Variants in ANK2 observed in about 807,000 individuals in gnomAD.
The protein encoded by ANK2 is ankyrin-2.
In ANK2, 83 loss-of-function variants were observed where a neutral mutation model predicts 360.5. The ratio of observed to expected loss-of-function variants is 0.23; its 90% confidence interval spans 0.19 to 0.28. The LOEUF (loss-of-function observed/expected upper bound fraction) is 0.28, where lower values mean the gene tolerates loss of function less well. ANK2 is among the 10% of genes least tolerant of loss of function. The pLI, the probability that ANK2 is intolerant of heterozygous loss-of-function variation, is 1.00. For missense variants in ANK2, 4,201 were observed against 4,795.7 expected (o/e 0.88, Z 3.66); for synonymous variants, 1,740 against 1,759.5 (o/e 0.99, Z 0.28).
At chr4:112,712,404 ATATTTTT>A in the ANK2 span, among the ~76,000 whole-genome samples, 38 of 52,680 alleles carry the variant, frequency 7.2e-4, no homozygotes, top group African/African-American at 1.7e-3. Context: ...ATATATATAT[ATATTTTT>A]TTTTTTTTTT....
chr4:112,803,722 A>AAGGC, the ANK2 span, among the ~76,000 whole-genome samples: 1 of 152,184 alleles, frequency 6.6e-6, no homozygotes, highest in African/African-American at 2.4e-5. Flanking sequence ...CAAATTCAAC[A>AAGGC]AGGCAGGCCT....
chr4:112,766,269 C>T, the ANK2 span, among the ~76,000 whole-genome samples: 6 of 151,334 alleles, frequency 4.0e-5, no homozygotes, highest in Admixed American at 2.6e-4. Flanking sequence ...TGCAGTGAGC[C>T]GAGATCGCAC....
At chr4:112,904,799 A>C (rs2084652412) in intron 2 of ANK2, among the ~76,000 whole-genome samples, 1 of 152,134 alleles carries the variant, frequency 6.6e-6, no homozygotes, top group Non-Finnish European at 1.5e-5. Context: ...GAGGAAAGAA[A>C]TCTGAATACA....
rs1358677399 is a variant in ANK2, at chr4:113,355,153, C to G, written c.6535C>G (p.Pro2179Ala). 6.2e-7 allele frequency: 1 copy of G among 1,614,154 alleles called. No individual in the cohort carries two copies. Among genetic ancestry groups the G allele is most frequent in the Non-Finnish European group, 8.5e-7 (1 of 1,179,994 alleles). The change falls in exon 38 of 46, where the codon CCA becomes GCA. Residue 2179 changes from proline (P) to alanine (A), a missense_variant. Physicochemically the swap from Pro to Ala is conservative, Grantham distance 27. Around this residue, in one of 4 missense-constraint regions of ANK2, gnomAD observed 2,642 missense variants for 2,714.5 expected, o/e 0.97. Coordinates refer to ENST00000357077, the MANE Select transcript of ANK2 (RefSeq NM_001148.6). ...VLTSPFNTTF[P>A]LDYMKDEFLP... ...CACTAGTCCTTTCAACACAACATTT[C>G]CACTCGACTACATGAAAGATGAGTT...
At chr4:112,997,626 T>G (rs1403243388) in intron 2 of ANK2, among the ~76,000 whole-genome samples, 1 of 152,152 alleles carries the variant, frequency 6.6e-6, no homozygotes, top group Non-Finnish European at 1.5e-5. Context: ...TTTGTTCTTT[T>G]CTTCCAGTAT....
chr4:113,288,723 A>T (rs1268007261), intron 20 of ANK2, among the ~76,000 whole-genome samples: 1 of 152,194 alleles, frequency 6.6e-6, no homozygotes, highest in African/African-American at 2.4e-5. Context: ...GCTGACATCG[A>T]TTTAACAACT....
chr4:112,850,815 C>T (rs1003759397), intron 1 of ANK2, among the ~76,000 whole-genome samples: 2 of 151,950 alleles, frequency 1.3e-5, no homozygotes, highest in Admixed American at 1.3e-4. Context: ...TGCGCCTGAC[C>T]TTCCTGTGCT....
In ANK2 at chr4:112,894,774, CAA is replaced by C. The variant is rs2081245574; in HGVS notation, c.-39-9680_-39-9679del. On this transcript the variant is annotated intron_variant, in intron 1 of 30. Transcript: ENST00000503271. ...CAGCTTGATTTTATAGGAGCAGAAACAAGAGGGAAGTTTGTTATATTTTAGCT... is the reference window on the plus strand; with the variant it reads ...CAGCTTGATTTTATAGGAGCAGAAACGAGGGAAGTTTGTTATATTTTAGCT... 2.0e-5 allele frequency among the ~76,000 whole-genome samples: 3 copies of C among 152,234 alleles called. No individual in the cohort carries two copies. In the East Asian group the frequency reaches 5.8e-4, roughly 29 times the overall value.
intron 1 of ANK2, among the ~76,000 whole-genome samples, chr4:113,109,973 G>C (rs969970578): frequency 1.3e-5 from 2 of 152,024 alleles, no homozygotes; most frequent in South Asian, 2.1e-4. Context: ...TTTATACTTA[G>C]GTTTCCATAT....
intron 1 of ANK2, among the ~76,000 whole-genome samples, chr4:113,128,195 G>T (rs2154375875): frequency 6.6e-6 from 1 of 152,212 alleles, no homozygotes; most frequent in East Asian, 1.9e-4. Flanking sequence ...TTTAGAGTTT[G>T]GAGTCCTTAA....
At chr4:112,980,753 A>G (rs1362227979) in intron 2 of ANK2, among the ~76,000 whole-genome samples, 2 of 152,236 alleles carry the variant, frequency 1.3e-5, no homozygotes, top group Non-Finnish European at 2.9e-5. Flanking sequence ...CTGACTATAA[A>G]GTACAATTTT....
intron 2 of ANK2, chr4:113,034,151 A>G (rs1579568290): frequency 6.6e-6 from 1 of 152,016 alleles, no homozygotes; most frequent in Admixed American, 6.6e-5. Context: ...ATGGTTTGAG[A>G]TAGGATTCTT....
chr4:113,308,748 A>G (rs1034563261), intron 23 of ANK2, among the ~76,000 whole-genome samples: 1 of 152,220 alleles, frequency 6.6e-6, no homozygotes, highest in African/African-American at 2.4e-5. Flanking sequence ...TTTGGGAAAG[A>G]AGCTACCATA....
At chr4:113,296,200 C>T (rs1405972485) in intron 22 of ANK2, among the ~76,000 whole-genome samples, 1 of 151,980 alleles carries the variant, frequency 6.6e-6, no homozygotes, top group Non-Finnish European at 1.5e-5. Context: ...CTGTTTTCAC[C>T]TAATTTTCAA....
chr4:113,063,170 T>C (rs929263649), intron 1 of ANK2, among the ~76,000 whole-genome samples: 1 of 152,084 alleles, frequency 6.6e-6, no homozygotes, highest in African/African-American at 2.4e-5. Context: ...TTGAGCCAAA[T>C]ATTCTCTTTG....
At chr4:113,322,745 CA>C (rs907643335) in intron 26 of ANK2, among the ~76,000 whole-genome samples, 2 of 152,004 alleles carry the variant, frequency 1.3e-5, no homozygotes, top group African/African-American at 4.8e-5. Flanking sequence ...AAAATTTCTC[CA>C]AAAATAAAGT....
rs773394091 is a variant in ANK2, at chr4:113,381,519, G to C, written c.*48G>C. 6.2e-7 allele frequency: 1 copy of C among 1,613,760 alleles called. No homozygotes were observed. Among genetic ancestry groups the C allele is most frequent in the African/African-American group, 1.3e-5 (1 of 74,890 alleles). ...GTGGTGAAGGACCAGCATGGAAAAC[G>C]CATTGACTTGGAGCACCTGGAGGAT... On this transcript the variant is annotated 3_prime_UTR_variant, in exon 46 of 46. Coordinates refer to ENST00000357077, the MANE Select transcript of ANK2 (RefSeq NM_001148.6).
At chr4:113,375,993 T>C (rs566057951) in intron 45 of ANK2, among the ~76,000 whole-genome samples, 43 of 152,324 alleles carry the variant, frequency 2.8e-4, no homozygotes, top group Admixed American at 2.0e-3. Flanking sequence ...CAGTCATGCA[T>C]TGCTTAACCC....
intron 45 of ANK2, among the ~76,000 whole-genome samples, chr4:113,376,749 A>G (rs2096950056): frequency 6.8e-6 from 1 of 147,292 alleles, no homozygotes; most frequent in South Asian, 2.2e-4. Context: ...TGTTCTATAA[A>G]CTTTTTTCTG....
Sources: allele counts gnomAD v4.1 joint callset (sites outside exome capture counted in the v4.1 genomes callset), GRCh38; gene constraint gnomAD v4.1.1; regional missense constraint gnomAD v4.1.1; transcripts MANE v1.5; gene names NCBI Gene and HGNC (gene_info 2026-07-23, HGNC 2026-07-21).